TNR: variants seen among roughly 807,000 people sequenced by gnomAD.
TNR encodes the protein tenascin-R.
TNR carries 45 observed loss-of-function variants against 150.4 expected under a neutral mutation model. The ratio of observed to expected loss-of-function variants is 0.30; its 90% CI spans 0.24 to 0.38. TNR has a LOEUF of 0.38. TNR is among the 10% of genes least tolerant of loss of function. The pLI, the probability that TNR is intolerant of heterozygous loss-of-function variation, is 1.00. For synonymous variants in TNR, 687 were observed against 678.4 expected, an observed-to-expected ratio of 1.01 and a Z score of -0.20; for missense variants, 1,544 against 1,759.1, an observed-to-expected ratio of 0.88 and a Z score of 2.19.
chr1:175,573,207 TCTGA>T (rs1236963039), intron 1 of TNR, among the ~76,000 whole-genome samples: 3 of 152,348 alleles, frequency 2.0e-5, no homozygotes, highest in African/African-American at 7.2e-5. Context: ...CCAGCTACTC[TCTGA>T]CTTTGATTAA....
chr1:175,669,099 C>T (rs917104609), intron 1 of TNR, among the ~76,000 whole-genome samples: 3 of 152,220 alleles, frequency 2.0e-5, no homozygotes, highest in Non-Finnish European at 4.4e-5. Context: ...TCAGCTCCTG[C>T]CTCAGTTTCC....
At chr1:175,345,008 T>C (rs988926716) in intron 18 of TNR, among the ~76,000 whole-genome samples, 42 of 151,650 alleles carry the variant, frequency 2.8e-4, no homozygotes, top group African/African-American at 9.0e-4. Context: ...TCCGGGAGGC[T>C]GAGGCAGGAG....
chr1:175,365,314 C>A, intron 11 of TNR, 35 bp from the exon 12 acceptor site: 1 of 1,558,992 alleles, frequency 6.4e-7, no homozygotes, highest in Non-Finnish European at 8.7e-7. Context: ...TCCTGAAACA[C>A]GTGAGGAGAT....
At chr1:175,612,011 G>A (rs1426944250) in intron 1 of TNR, among the ~76,000 whole-genome samples, 6 of 152,176 alleles carry the variant, frequency 3.9e-5, no homozygotes, top group South Asian at 2.1e-4. Flanking sequence ...TAGATGACAT[G>A]TGGCTTAGAG....
intron 2 of TNR, among the ~76,000 whole-genome samples, chr1:175,498,605 T>C (rs1325348492): frequency 6.6e-6 from 1 of 152,210 alleles, no homozygotes; most frequent in Non-Finnish European, 1.5e-5. Context: ...CTCACTCTTC[T>C]ATTCTTGTGT....
intron 2 of TNR, among the ~76,000 whole-genome samples, chr1:175,473,441 A>G (rs779393973): frequency 6.6e-6 from 1 of 152,208 alleles, no homozygotes. Context: ...TGTTTAGGAC[A>G]TGCTTCAGGC....
At chr1:175,540,307 T>C (rs1265332995) in intron 1 of TNR, among the ~76,000 whole-genome samples, 3 of 152,138 alleles carry the variant, frequency 2.0e-5, no homozygotes, top group Non-Finnish European at 4.4e-5. Flanking sequence ...CTGATCACAC[T>C]CCCAGAGAAT....
intron 1 of TNR, among the ~76,000 whole-genome samples, chr1:175,713,184 G>A (rs1189685046): frequency 6.6e-6 from 1 of 152,208 alleles, no homozygotes; most frequent in Non-Finnish European, 1.5e-5. Flanking sequence ...AGACAAAGAT[G>A]CCATTAAGAC....
rs1651753872 is a variant in TNR, at chr1:175,364,708, A to G, written c.2587+302T>C. The stretch of plus-strand genomic sequence containing the variant: ...CACTGTAGAGGGATTCCTCTTGGAG[A>G]CTAGCTTTCTCCAGTGCTTTTCTTC... On this transcript the variant is annotated intron_variant, in intron 12 of 22. Transcript: ENST00000367674. Among the ~76,000 whole-genome samples the G allele has an allele frequency of 2.0e-5, 3 of 152,182 alleles. No homozygotes were observed. In the South Asian group the frequency reaches 6.2e-4, roughly 32 times the overall value.
At chr1:175,742,963 T>TACACAC (rs66777686) in intron 1 of TNR, among the ~76,000 whole-genome samples, 10,435 of 147,822 alleles carry the variant, frequency 0.071, 407 homozygotes, top group East Asian at 0.2. Flanking sequence ...TATGCAACAG[T>TACACAC]ACACACACAC....
intron 2 of TNR, among the ~76,000 whole-genome samples, chr1:175,493,023 G>A (rs1252443176): frequency 1.3e-5 from 2 of 152,078 alleles, no homozygotes; most frequent in Non-Finnish European, 2.9e-5. Context: ...CACAGCCAAA[G>A]GAGGGAGAGT....
At chr1:175,480,559 G>C (rs1657758394) in intron 2 of TNR, among the ~76,000 whole-genome samples, 1 of 152,140 alleles carries the variant, frequency 6.6e-6, no homozygotes, top group Non-Finnish European at 1.5e-5. Context: ...TGGTCATAAT[G>C]ACTTGACTCA....
intron 1 of TNR, among the ~76,000 whole-genome samples, chr1:175,672,006 A>G (rs1464364841): frequency 6.6e-6 from 1 of 151,750 alleles, no homozygotes; most frequent in Admixed American, 6.6e-5. Flanking sequence ...CTTTGGCATC[A>G]ACACACTAGT....
intron 1 of TNR, among the ~76,000 whole-genome samples, chr1:175,576,201 TTAA>T (rs1392831231): frequency 1.3e-5 from 2 of 152,142 alleles, no homozygotes; most frequent in African/African-American, 4.8e-5. Context: ...GGATAGAAGT[TTAA>T]AAAGAAATTA....
Position 175,479,758 on chromosome 1 carries a change from T to C in TNR, c.-64+48511A>G, listed in dbSNP as rs149210933. Reference sequence around the variant, plus strand: ...GTGGGCTTCTGAAGATCTTATCATGTCCCTCTGATATGCTTTGTGGCTAGT... The same window carrying C: ...GTGGGCTTCTGAAGATCTTATCATGCCCCTCTGATATGCTTTGTGGCTAGT... On this transcript the variant is annotated intron_variant, in intron 2 of 22. Transcript: ENST00000367674. Among the ~76,000 whole-genome samples, 328 of 152,204 alleles carry C rather than the reference T, an allele frequency of 2.2e-3. 1 individual carries two copies. The highest frequency in any genetic ancestry group is 7.4e-3 in the African/African-American group (309 of 41,548).
Position 175,363,737 on chromosome 1 carries a change from T to C in TNR, c.2678A>G (p.Tyr893Cys), listed in dbSNP as rs1368357603. 4.3e-6 allele frequency: 7 copies of C among 1,613,816 alleles called. No individual in the cohort carries two copies. Among genetic ancestry groups the C allele is most frequent in the Non-Finnish European group, 5.9e-6 (7 of 1,179,882 alleles). ...SWSPPVASFD[Y>C]YRVSYRPTQV... The stretch of plus-strand genomic sequence containing the variant: ...GGTGGGTCGATATGATACTCGGTAG[T>C]AATCGAAAGATGCAACAGGAGGGCT... The change falls in exon 13 of 23, where the codon TAC (tyrosine) becomes TGC (cysteine). Residue 893 changes from tyrosine to cysteine, a missense_variant. By Grantham distance (194) the Tyr-to-Cys change is radical. Coordinates refer to ENST00000367674, the MANE Select transcript of TNR (RefSeq NM_003285.3).
At chr1:175,331,055 T>TTCTTTCTTTCTTTCTTTCTG (rs1649795340) in intron 20 of TNR, among the ~76,000 whole-genome samples, 1 of 117,176 alleles carries the variant, frequency 8.5e-6, no homozygotes, top group African/African-American at 3.3e-5. Context: ...CTTTCTTTCT[T>TTCTTTCTTTCTTTCTTTCTG]TCTTTCTTTC....
chr1:175,451,901 A>G (rs187386957), intron 2 of TNR, among the ~76,000 whole-genome samples: 15 of 152,314 alleles, frequency 9.8e-5, no homozygotes, highest in African/African-American at 2.9e-4. Flanking sequence ...GTACCCAGCC[A>G]GGTCTTACCT....
chr1:175,342,072 G>A (rs772558787), intron 18 of TNR, among the ~76,000 whole-genome samples: 5 of 152,168 alleles, frequency 3.3e-5, no homozygotes, highest in Non-Finnish European at 5.9e-5. Flanking sequence ...GTGTCTGTTG[G>A]GTTCTAAATA....
Sources: gnomAD v4.1 joint callset for allele counts (sites outside exome capture counted in the v4.1 genomes callset) on GRCh38, gnomAD v4.1.1 for gene constraint, MANE v1.5 for transcripts, NCBI Gene and HGNC (gene_info 2026-07-23, HGNC 2026-07-21) for gene names.